The following SDK1 variants were observed in gnomAD, a reference collection of about 807,000 sequenced individuals.
SDK1 encodes protein sidekick-1.
In SDK1, 157 loss-of-function variants were observed where a neutral mutation model predicts 245.5. The observed-to-expected ratio is 0.64, with a 90% CI of 0.56 to 0.73. The LOEUF (loss-of-function observed/expected upper bound fraction) is 0.73, where lower values mean the gene tolerates loss of function less well. SDK1 is among the 30% of genes least tolerant of loss of function. The probability of loss-of-function intolerance (pLI) is 0.00; values close to 1 mark genes in which losing one functional copy is unlikely to be tolerated. For synonymous variants in SDK1, 1,647 were observed against 1,278.5 expected (o/e 1.29, Z -6.15); for missense variants, 3,583 against 3,002.3 (o/e 1.19, Z -4.52).
intron 5 of SDK1, among the ~76,000 whole-genome samples, chr7:3,927,693 T>C (rs1315695134): frequency 1.3e-5 from 2 of 152,232 alleles, no homozygotes; most frequent in African/African-American, 4.8e-5. Flanking sequence ...TCCAACCTGT[T>C]TGCCTGAACA....
In SDK1 at chr7:4,044,284, C is replaced by G. The variant is rs182744599; in HGVS notation, c.2603-5064C>G. On this transcript the variant is annotated intron_variant, in intron 17 of 44. Transcript: ENST00000404826. ...CCTGCAGCCTCAGGATCCCCACACTCCTACCGCTGCTCAGGGCTCCCGGAA... is the reference window on the plus strand; with the variant it reads ...CCTGCAGCCTCAGGATCCCCACACTGCTACCGCTGCTCAGGGCTCCCGGAA... Among the ~76,000 whole-genome samples the G allele has an allele frequency of 1.2e-4, 18 of 152,340 alleles. No individual in the cohort carries two copies. The East Asian group carries it at 3.3e-3, about 28-fold the overall frequency.
chr7:3,987,099 C>A, intron 13 of SDK1, 87 bp from the exon 14 acceptor site: 1 of 1,315,474 alleles, frequency 7.6e-7, no homozygotes, highest in Non-Finnish European at 1.1e-6. Context: ...CATGACACAG[C>A]AGGACGGTCT....
intron 13 of SDK1, among the ~76,000 whole-genome samples, chr7:3,975,904 ACG>A (rs1782899155): frequency 6.7e-6 from 1 of 148,658 alleles, no homozygotes; most frequent in East Asian, 2.0e-4. Context: ...CAAAGCTGCC[ACG>A]TAGAGGGTCC....
At chr7:3,887,442 G>A (rs1781363257) in intron 5 of SDK1, among the ~76,000 whole-genome samples, 1 of 152,106 alleles carries the variant, frequency 6.6e-6, no homozygotes, top group Non-Finnish European at 1.5e-5. Context: ...TCCCAGTAGA[G>A]AAGTAATAAT....
chr7:3,999,825 T>TC (rs541884629), intron 14 of SDK1, among the ~76,000 whole-genome samples: 2 of 152,018 alleles, frequency 1.3e-5, no homozygotes, highest in Non-Finnish European at 2.9e-5. Context: ...AGTTCTTATC[T>TC]CCCCCCACCA....
chr7:3,857,930 G>T (rs1015087535), intron 5 of SDK1, among the ~76,000 whole-genome samples: 2 of 152,160 alleles, frequency 1.3e-5, no homozygotes, highest in Admixed American at 1.3e-4. Flanking sequence ...GAACTTTAAT[G>T]ACGATTTTTA....
At chr7:3,859,055 G>T (rs895177610) in intron 5 of SDK1, among the ~76,000 whole-genome samples, 2 of 151,386 alleles carry the variant, frequency 1.3e-5, no homozygotes, top group Non-Finnish European at 2.9e-5. Context: ...GTAGAGACGG[G>T]GTTTCACTGT....
Position 3,373,846 on chromosome 7 carries a change from TC to T in SDK1, c.298+71963del, listed in dbSNP as rs1234738513. Among the ~76,000 whole-genome samples, 14 of 152,124 alleles carry T rather than the reference TC, an allele frequency of 9.2e-5. 1 individual carries two copies. ...TTTTGTATATATTAACCATTTATAA[TC>T]AACAACAAAGAAGACCTCATTCACA... On this transcript the variant is annotated intron_variant, in intron 1 of 44. Coordinates refer to ENST00000404826, the MANE Select transcript of SDK1 (RefSeq NM_152744.4).
At chr7:3,385,048 C>G (rs1021606014) in intron 1 of SDK1, among the ~76,000 whole-genome samples, 2 of 152,046 alleles carry the variant, frequency 1.3e-5, no homozygotes, top group African/African-American at 4.8e-5. Context: ...ACATCAAACA[C>G]AAACAGTTTG....
chr7:3,373,614 A>G (rs1301074653), intron 1 of SDK1, among the ~76,000 whole-genome samples: 2 of 148,126 alleles, frequency 1.4e-5, no homozygotes, highest in Non-Finnish European at 3.0e-5. Flanking sequence ...GTTGTTGGCA[A>G]CACCATTAAA....
Position 4,259,307 on chromosome 7 carries a change from CGG to C in SDK1, c.6382-5815_6382-5814del, listed in dbSNP as rs1210964310. 5.0e-4 allele frequency among the ~76,000 whole-genome samples: 76 copies of C among 152,188 alleles called. 3 individuals carry two copies. The highest frequency in any genetic ancestry group is 1.7e-3 in the African/African-American group (69 of 41,514). On this transcript the variant is annotated intron_variant, in intron 44 of 44. Transcript: ENST00000404826. The stretch of plus-strand genomic sequence containing the variant: ...TACAAAAATTAGCCAGGTGTGGTGG[CGG>C]GCACCTGTAATCCCAGATAGGAGGC...
At chr7:3,612,766 C>T (rs910603911) in intron 1 of SDK1, among the ~76,000 whole-genome samples, 2 of 152,128 alleles carry the variant, frequency 1.3e-5, no homozygotes, top group African/African-American at 4.8e-5. Flanking sequence ...ATAACCTGCC[C>T]TGGCTGATTA....
intron 34 of SDK1, 49 bp from the exon 35 acceptor site, chr7:4,178,436 A>G: frequency 1.5e-6 from 2 of 1,366,818 alleles, no homozygotes; most frequent in Non-Finnish European, 2.1e-6. Context: ...TTGGAGAAAG[A>G]GAAGGTGGTC....
chr7:3,621,886 A>C (rs1229882097), intron 2 of SDK1, among the ~76,000 whole-genome samples: 1 of 152,246 alleles, frequency 6.6e-6, no homozygotes, highest in Non-Finnish European at 1.5e-5. Context: ...CGATGGTTCA[A>C]CTTAACAATT....
intron 1 of SDK1, among the ~76,000 whole-genome samples, chr7:3,527,515 G>A (rs764516791): frequency 6.6e-6 from 1 of 152,198 alleles, no homozygotes; most frequent in Non-Finnish European, 1.5e-5. Flanking sequence ...GGGCCAGCAA[G>A]AAGGTCAGAG....
chr7:3,730,709 C>T (rs2115040312), intron 4 of SDK1, among the ~76,000 whole-genome samples: 1 of 152,146 alleles, frequency 6.6e-6, no homozygotes, highest in South Asian at 2.1e-4. Context: ...GTTCATATTC[C>T]TTCCAGGAAA....
rs1165009977 is a variant in SDK1, at chr7:4,205,921, C to T, written c.5141C>T (p.Thr1714Met). The change falls in exon 36 of 45, where the codon ACG becomes ATG. Residue 1714 changes from threonine to methionine, a missense_variant. By Grantham distance (81) the Thr-to-Met change is moderately conservative (BLOSUM62 -1). Coordinates refer to ENST00000404826, the MANE Select transcript of SDK1 (RefSeq NM_152744.4). ...CAGAACGTGCAGGTGACCCCACTCA[C>T]GGCCAGCCAGCTGGAGGTCACGTGG... ...APQNVQVTPL[T>M]ASQLEVTWDP... 14 of 1,560,722 alleles carry T rather than the reference C, an allele frequency of 9.0e-6. No individual in the cohort carries two copies. Among genetic ancestry groups the T allele is most frequent in the Admixed American group, 5.7e-5 (3 of 52,884 alleles).
chr7:3,609,764 G>A (rs1048104357), intron 1 of SDK1, among the ~76,000 whole-genome samples: 2 of 136,994 alleles, frequency 1.5e-5, no homozygotes, highest in African/African-American at 5.4e-5. Context: ...GCAGTGGCAC[G>A]ATCTTGGCTC....
intron 1 of SDK1, among the ~76,000 whole-genome samples, chr7:3,556,140 C>A (rs529026839): frequency 1.3e-5 from 2 of 152,142 alleles, no homozygotes; most frequent in Non-Finnish European, 2.9e-5. Context: ...GCACTATTCA[C>A]AATAGCCAAC....
Sources: allele counts gnomAD v4.1 joint callset (sites outside exome capture counted in the v4.1 genomes callset), GRCh38; gene constraint gnomAD v4.1.1; transcripts MANE v1.5; gene names NCBI Gene and HGNC (gene_info 2026-07-23, HGNC 2026-07-21).